FOCAD: variants seen among roughly 807,000 people sequenced by gnomAD.
The protein encoded by FOCAD is focadhesin.
FOCAD carries 198 observed loss-of-function variants against 225.6 expected under a neutral mutation model. The ratio of observed to expected loss-of-function variants is 0.88; its 90% CI spans 0.78 to 0.99. The LOEUF is 0.99. FOCAD is among the 50% of genes least tolerant of loss of function. The pLI, the probability that FOCAD is intolerant of heterozygous loss-of-function variation, is 0.00. For synonymous variants in FOCAD, 897 were observed against 755.0 expected (o/e 1.19, Z -3.08); for missense variants, 2,713 against 2,123.6 (o/e 1.28, Z -5.46).
Position 20,866,917 on chromosome 9 carries a change from T to TTTTTTTTTTTTTA in FOCAD, c.2107-12_2107-11insTTTTTTTTTTTTA, listed in dbSNP as rs1587447724. 11 of 764,966 alleles carry TTTTTTTTTTTTTA rather than the reference T, an allele frequency of 1.4e-5. No individual in the cohort carries two copies. Among genetic ancestry groups the TTTTTTTTTTTTTA allele is most frequent in the African/African-American group, 2.0e-5 (1 of 48,872 alleles). The allele number at this position is 764,966 out of a possible 1,614,324, so 47.4% of individuals were successfully genotyped here. On this transcript the variant is annotated splice_polypyrimidine_tract_variant and intron_variant, in intron 17 of 43. Transcript: ENST00000338382. ...TTTTTTTTTTTTTTTTTTTTTTTTT[T>TTTTTTTTTTTTTA]ACCCTATCTAGGACCCAATTGTAGC... is the stretch of plus-strand genomic sequence containing the variant.
intron 1 of FOCAD, among the ~76,000 whole-genome samples, chr9:20,710,596 C>G (rs1161613330): frequency 7.2e-6 from 1 of 139,196 alleles, no homozygotes; most frequent in Non-Finnish European, 1.6e-5. Flanking sequence ...AACTCTGTCT[C>G]AAAAAAAAAA....
chr9:20,858,968 T>C (rs1314888829), intron 15 of FOCAD, among the ~76,000 whole-genome samples: 1 of 152,228 alleles, frequency 6.6e-6, no homozygotes, highest in African/African-American at 2.4e-5. Flanking sequence ...ATTTCCATTT[T>C]TATAAATTTT....
chr9:20,825,182 TG>T, intron 15 of FOCAD, among the ~76,000 whole-genome samples: 1 of 150,996 alleles, frequency 6.6e-6, no homozygotes, highest in African/African-American at 2.4e-5. Flanking sequence ...TGTGTGTGTG[TG>T]TTCATTATTT....
Position 20,882,013 on chromosome 9 carries a change from G to A in FOCAD, c.2460G>A (p.Met820Ile). 6.2e-7 allele frequency: 1 copy of A among 1,613,892 alleles called. No individual in the cohort carries two copies. Among genetic ancestry groups the A allele is most frequent in the Non-Finnish European group, 8.5e-7 (1 of 1,179,846 alleles). Residue 820 changes from methionine to isoleucine, a missense_variant, in exon 20 of 44, where the codon ATG becomes ATA. Physicochemically the swap from Met to Ile is conservative, Grantham distance 10. Coordinates refer to ENST00000338382, the MANE Select transcript of FOCAD (RefSeq NM_001375567.1). ...GAATCCCCAATTTTATATTGAAAAT[G>A]TATGAAACAAACAAGCAACCAGGAC... is the stretch of plus-strand genomic sequence containing the variant. Reference protein sequence around the residue: ...VAGIPNFILKMYETNKQPGLK... With the variant: ...VAGIPNFILKIYETNKQPGLK...
At chr9:20,898,462 T>C (rs1004736473) in intron 21 of FOCAD, among the ~76,000 whole-genome samples, 5 of 151,996 alleles carry the variant, frequency 3.3e-5, no homozygotes, top group East Asian at 1.9e-4. Context: ...GAGGTTTCCA[T>C]TGAGATATCC....
intron 21 of FOCAD, among the ~76,000 whole-genome samples, chr9:20,898,862 G>T (rs942257020): frequency 6.6e-6 from 1 of 152,010 alleles, no homozygotes; most frequent in African/African-American, 2.4e-5. Context: ...GTGGTAAGGT[G>T]TTGGGGGAGT....
Position 20,800,641 on chromosome 9 carries a change from G to A in FOCAD, c.1455+11033G>A, listed in dbSNP as rs187819633. Among the ~76,000 whole-genome samples, 449 of 152,002 alleles carry A rather than the reference G, an allele frequency of 3.0e-3. 2 individuals carry two copies. Among genetic ancestry groups the A allele is most frequent in the Non-Finnish European group, 4.6e-3 (310 of 68,000 alleles). ...ACCCTTTCTTCCAGTTGATCGAATC[G>A]GCTACTGAGGCTTGTGCATTCGTCA... On this transcript the variant is annotated intron_variant, in intron 11 of 43. Transcript: ENST00000338382.
chr9:20,830,041 A>G (rs995618358), intron 15 of FOCAD, among the ~76,000 whole-genome samples: 1 of 152,104 alleles, frequency 6.6e-6, no homozygotes, highest in East Asian at 1.9e-4. Context: ...ATACAACTAA[A>G]ATGTAGTAGT....
Position 20,902,280 on chromosome 9 carries a change from T to G in FOCAD, c.2626-4870T>G, listed in dbSNP as rs565621744. On this transcript the variant is annotated intron_variant, in intron 21 of 43. Transcript: ENST00000338382. ...CTGGAAGTATGGAGATGAGAAAAAT[T>G]ATTTCAGTAAGTAGAAATGAGAGGA... Among the ~76,000 whole-genome samples the G allele has an allele frequency of 3.3e-5, 5 of 151,990 alleles. No individual in the cohort carries two copies. In the South Asian group the frequency reaches 1.0e-3, roughly 31 times the overall value.
At chr9:20,790,414 G>A (rs546849195) in intron 11 of FOCAD, among the ~76,000 whole-genome samples, 2 of 152,246 alleles carry the variant, frequency 1.3e-5, no homozygotes, top group East Asian at 3.9e-4. Context: ...TCTCCCAATG[G>A]AAAAGTGATG....
intron 20 of FOCAD, among the ~76,000 whole-genome samples, chr9:20,882,624 A>T (rs1587496094): frequency 1.3e-5 from 2 of 152,294 alleles, no homozygotes; most frequent in South Asian, 4.2e-4. Context: ...TGAACTTACT[A>T]ATTCTGGCCA....
At chr9:20,896,371 C>T (rs1325112118) in intron 21 of FOCAD, among the ~76,000 whole-genome samples, 1 of 151,828 alleles carries the variant, frequency 6.6e-6, no homozygotes, top group Non-Finnish European at 1.5e-5. Context: ...ATGCTGACCT[C>T]ATATAATGAG....
intron 11 of FOCAD, among the ~76,000 whole-genome samples, chr9:20,811,709 T>TGCTAAAAA (rs1444273381): frequency 6.6e-6 from 1 of 152,094 alleles, no homozygotes; most frequent in African/African-American, 2.4e-5. Context: ...TTAGCACTTC[T>TGCTAAAAA]GTCAATAAAC....
chr9:20,712,730 C>CTTTTTTTTTT (rs71334550), intron 1 of FOCAD, among the ~76,000 whole-genome samples: 14 of 93,340 alleles, frequency 1.5e-4, no homozygotes, highest in South Asian at 8.1e-4. Flanking sequence ...CTCCTATATT[C>CTTTTTTTTTT]TTTTTTTTTT....
chr9:20,853,234 A>G (rs972577641), intron 15 of FOCAD, among the ~76,000 whole-genome samples: 2 of 151,760 alleles, frequency 1.3e-5, no homozygotes, highest in African/African-American at 4.8e-5. Flanking sequence ...ATTGGAAGAT[A>G]CTGTTCCTTG....
intron 5 of FOCAD, among the ~76,000 whole-genome samples, chr9:20,744,341 TG>T (rs1463375418): frequency 4.6e-5 from 7 of 152,220 alleles, no homozygotes; most frequent in African/African-American, 1.7e-4. Flanking sequence ...TGAGAAACAC[TG>T]GATTAGAATC....
At position 20,791,697 on chromosome 9, in the gene FOCAD, T is replaced by A. The variant is rs181001116; in HGVS notation, c.1455+2089T>A. Reference sequence around the variant, plus strand: ...CCTTGCTTAGGTCATGTGTTTACATTGGACTAACCATCATGATGGGATAAT... The same window carrying A: ...CCTTGCTTAGGTCATGTGTTTACATAGGACTAACCATCATGATGGGATAAT... On this transcript the variant is annotated intron_variant, in intron 11 of 43. Coordinates refer to ENST00000338382, the MANE Select transcript of FOCAD (RefSeq NM_001375567.1). Among the ~76,000 whole-genome samples, 12 of 152,270 alleles carry A rather than the reference T, an allele frequency of 7.9e-5. No homozygotes were observed. In the East Asian group the frequency reaches 2.1e-3, roughly 27 times the overall value.
At chr9:20,982,737 G>A (rs1840812083) in intron 39 of FOCAD, among the ~76,000 whole-genome samples, 1 of 152,204 alleles carries the variant, frequency 6.6e-6, no homozygotes, top group South Asian at 2.1e-4. Context: ...GTGGTTGATT[G>A]AAAAGCAAGC....
At chr9:20,929,286 A>T in intron 26 of FOCAD, 72 bp from the exon 27 acceptor site, 1 of 1,172,542 alleles carries the variant, frequency 8.5e-7, no homozygotes, top group Non-Finnish European at 1.3e-6. Context: ...GTGGTTGTAT[A>T]GTGCTTTTAT....
Sources: allele counts gnomAD v4.1 joint callset (sites outside exome capture counted in the v4.1 genomes callset), GRCh38; gene constraint gnomAD v4.1.1; transcripts MANE v1.5; gene names NCBI Gene and HGNC (gene_info 2026-07-23, HGNC 2026-07-21).